The following MAP3K21 variants were observed in gnomAD, a reference collection of about 807,000 sequenced individuals.
The protein encoded by MAP3K21 is mitogen-activated protein kinase kinase kinase MLK4.
A neutral mutation model predicts 86.1 loss-of-function variants in MAP3K21; 63 were observed. The observed-to-expected ratio is 0.73, with a 90% confidence interval of 0.60 to 0.90. The LOEUF (loss-of-function observed/expected upper bound fraction) is 0.90. Ranked by LOEUF, MAP3K21 falls within the 40% of genes least tolerant of loss-of-function variation. The probability of loss-of-function intolerance (pLI) is 0.00; values close to 1 mark genes in which losing one functional copy is unlikely to be tolerated. For synonymous variants in MAP3K21, 558 were observed against 564.8 expected, an observed-to-expected ratio of 0.99 and a Z score of 0.17; for missense variants, 1,220 against 1,367.7, an observed-to-expected ratio of 0.89 and a Z score of 1.70.
At chr1:233,336,467 G>C (rs562509139) in intron 1 of MAP3K21, among the ~76,000 whole-genome samples, 1 of 152,208 alleles carries the variant, frequency 6.6e-6, no homozygotes, top group Admixed American at 6.5e-5. Flanking sequence ...CTTGAATCAA[G>C]GAGGTGGAGG....
chr1:233,374,336 C>T (rs370173880), intron 6 of MAP3K21, among the ~76,000 whole-genome samples: 10 of 152,044 alleles, frequency 6.6e-5, no homozygotes, highest in African/African-American at 1.9e-4. Context: ...CCACCACGCC[C>T]GGCTAATTTT....
At chr1:233,373,064 A>G (rs1208641962) in intron 6 of MAP3K21, 1 of 152,014 alleles carries the variant, frequency 6.6e-6, no homozygotes, top group African/African-American at 2.4e-5. Flanking sequence ...TTTCTTTTGC[A>G]AGTTCTCGGA....
Position 233,379,240 on chromosome 1 carries a change from C to T in MAP3K21, c.2234C>T (p.Ala745Val). The T allele has an allele frequency of 6.2e-7, 1 of 1,614,208 alleles. No individual in the cohort carries two copies. Among genetic ancestry groups the T allele is most frequent in the East Asian group, 2.2e-5 (1 of 44,888 alleles). The change falls in exon 9 of 10, where the codon GCA becomes GTA. Residue 745 changes from alanine to valine, a missense_variant. Transcript: ENST00000366624. Reference protein sequence around the residue: ...LGLDLRELHKAQAAEEPLPKE... With the variant: ...LGLDLRELHKVQAAEEPLPKE... Reference sequence around the variant, plus strand: ...CTGGACCTCAGAGAGCTTCATAAAGCACAGGCTGCTGAAGAACCGTTGCCC... The same window carrying T: ...CTGGACCTCAGAGAGCTTCATAAAGTACAGGCTGCTGAAGAACCGTTGCCC...
chr1:233,380,144 G>A (rs1053881206), intron 9 of MAP3K21, among the ~76,000 whole-genome samples: 1 of 152,188 alleles, frequency 6.6e-6, no homozygotes, highest in African/African-American at 2.4e-5. Context: ...CAGGTGATCA[G>A]CCTGCTAGGG....
At chr1:233,357,614 G>A (rs748373746) in intron 4 of MAP3K21, among the ~76,000 whole-genome samples, 2 of 152,116 alleles carry the variant, frequency 1.3e-5, no homozygotes, top group Non-Finnish European at 2.9e-5. Context: ...TCAAACCCAT[G>A]GAGTTGCGTC....
chr1:233,330,573 C>G (rs542902152), intron 1 of MAP3K21, among the ~76,000 whole-genome samples: 1 of 152,234 alleles, frequency 6.6e-6, no homozygotes, highest in East Asian at 1.9e-4. Flanking sequence ...TCTGCAGAAC[C>G]AGGTATTTTA....
chr1:233,379,821 G>A, intron 9 of MAP3K21, 111 bp downstream of exon 9: 1 of 815,290 alleles, frequency 1.2e-6, no homozygotes. Flanking sequence ...TTAATAATTT[G>A]TTTTTACTGT....
chr1:233,368,133 T>C (rs370219956), intron 5 of MAP3K21, among the ~76,000 whole-genome samples: 2 of 152,224 alleles, frequency 1.3e-5, no homozygotes, highest in Non-Finnish European at 2.9e-5. Flanking sequence ...CTTCTGTTAT[T>C]GACAGGAGGG....
rs1047257867 is a variant in MAP3K21, at chr1:233,376,511, G to A, written c.1908G>A (p.Leu636=). 4 of 1,612,288 alleles carry A rather than the reference G, an allele frequency of 2.5e-6. No individual in the cohort carries two copies. Among genetic ancestry groups the A allele is most frequent in the African/African-American group, 1.3e-5 (1 of 74,834 alleles). Residue 636 remains leucine, a synonymous_variant, in exon 8 of 10, where the codon TTG becomes TTA. Transcript: ENST00000366624. Reference sequence around the variant, plus strand: ...AGAAAACCATGCCCTTGGCTTCATTGTTTGTGGACCAGCCAGGTAAATGTG... The same window carrying A: ...AGAAAACCATGCCCTTGGCTTCATTATTTGTGGACCAGCCAGGTAAATGTG... ...KNQKTMPLAS[L]FVDQPGSCEE...
intron 6 of MAP3K21, chr1:233,374,076 T>G (rs1223660748): frequency 6.6e-6 from 1 of 152,216 alleles, no homozygotes; most frequent in African/African-American, 2.4e-5. Flanking sequence ...AAATGAAAAC[T>G]GCTGATCCGT....
Position 233,379,315 on chromosome 1 carries a change from C to T in MAP3K21, c.2309C>T (p.Ser770Phe), listed in dbSNP as rs928580242. ...GGAATCTTCCAGCGGGCTTCCAAGTCCCGCAGAAGCGCCAGTCCTCCCACA... is the reference window on the plus strand; with the variant it reads ...GGAATCTTCCAGCGGGCTTCCAAGTTCCGCAGAAGCGCCAGTCCTCCCACA... ...REGIFQRASKSRRSASPPTSL... is the reference protein window; with the variant it reads ...REGIFQRASKFRRSASPPTSL... The change falls in exon 9 of 10, where the codon TCC (serine) becomes TTC (phenylalanine). Residue 770 changes from serine to phenylalanine, a missense_variant. Transcript: ENST00000366624. 2 of 1,614,068 alleles carry T rather than the reference C, an allele frequency of 1.2e-6. No homozygotes were observed. The highest frequency in any genetic ancestry group is 2.7e-5 in the African/African-American group (2 of 74,900).
intron 9 of MAP3K21, among the ~76,000 whole-genome samples, chr1:233,381,449 T>C (rs1467013805): frequency 1.3e-5 from 2 of 152,200 alleles, no homozygotes; most frequent in Admixed American, 6.5e-5. Flanking sequence ...AGTGAGGTAA[T>C]ATATACAAAA....
intron 1 of MAP3K21, among the ~76,000 whole-genome samples, chr1:233,340,943 CT>C (rs1346539195): frequency 6.6e-6 from 1 of 152,050 alleles, no homozygotes; most frequent in Admixed American, 6.6e-5. Context: ...ATAATAATTG[CT>C]TTTTTAAAAA....
chr1:233,355,042 C>A (rs1332724973), intron 4 of MAP3K21, 31 bp downstream of exon 4: 1 of 1,510,854 alleles, frequency 6.6e-7, no homozygotes, highest in Non-Finnish European at 9.1e-7. Flanking sequence ...GCATAATGTA[C>A]TCAAATTTAT....
chr1:233,382,670 C>A lies in MAP3K21; in HGVS notation c.3070C>A (p.Arg1024=), dbSNP rs372766457. 4 of 1,613,898 alleles carry A rather than the reference C, an allele frequency of 2.5e-6. No homozygotes were observed. The highest frequency in any genetic ancestry group is 1.6e-4 in the Middle Eastern group (1 of 6,084). Residue 1024 remains arginine, a synonymous_variant, in exon 10 of 10, where the codon CGG becomes AGG. Transcript: ENST00000366624. Reference sequence around the variant, plus strand: ...GTGCAGAATGAGGAGCAAAACCAGCCGGCCATCTATATATGAACTGGAGAA... The same window carrying A: ...GTGCAGAATGAGGAGCAAAACCAGCAGGCCATCTATATATGAACTGGAGAA... ...PLCRMRSKTS[R]PSIYELEKEF... is the part of the protein sequence containing the mutation.
Position 233,372,115 on chromosome 1 carries a change from C to G in MAP3K21, c.1630C>G (p.Pro544Ala). ...RRSLNSSSSS[P>A]PSSPTMMPRL... Reference sequence around the variant, plus strand: ...GAGCCTGAACAGCAGCAGTTCCAGTCCCCCGAGCAGCCCCACAATGATGCC... The same window carrying G: ...GAGCCTGAACAGCAGCAGTTCCAGTGCCCCGAGCAGCCCCACAATGATGCC... Residue 544 changes from proline to alanine, a missense_variant, in exon 6 of 10, where the codon CCC (proline) becomes GCC (alanine). Pro to Ala is a conservative substitution (Grantham distance 27). Around this residue, in one of 5 missense-constraint regions of MAP3K21, gnomAD observed 632 missense variants for 691.3 expected, o/e 0.91. Coordinates refer to ENST00000366624, the MANE Select transcript of MAP3K21 (RefSeq NM_032435.3). 6.2e-7 allele frequency: 1 copy of G among 1,614,114 alleles called. No homozygotes were observed. The highest frequency in any genetic ancestry group is 1.6e-4 in the Middle Eastern group (1 of 6,062).
In MAP3K21 at chr1:233,379,284, C is replaced by A; in HGVS notation, c.2278C>A (p.Arg760=). 6.2e-7 allele frequency: 1 copy of A among 1,614,198 alleles called. No homozygotes were observed. The highest frequency in any genetic ancestry group is 1.1e-5 in the South Asian group (1 of 91,086). The change falls in exon 9 of 10, where the codon CGA becomes AGA. Residue 760 remains arginine, a synonymous_variant. Transcript: ENST00000366624. ...GTTGCCCAAGGAAGAGAAGAAGAAACGAGAGGGAATCTTCCAGCGGGCTTC... is the reference window on the plus strand; with the variant it reads ...GTTGCCCAAGGAAGAGAAGAAGAAAAGAGAGGGAATCTTCCAGCGGGCTTC... ...EPLPKEEKKK[R]EGIFQRASKS...
chr1:233,357,528 C>T (rs1318667302), intron 4 of MAP3K21, among the ~76,000 whole-genome samples: 7 of 152,096 alleles, frequency 4.6e-5, no homozygotes, highest in African/African-American at 7.2e-5. Context: ...GTAAATGCAA[C>T]GTAAGACCAT....
At chr1:233,353,194 G>A (rs940508839) in intron 2 of MAP3K21, among the ~76,000 whole-genome samples, 18 of 152,050 alleles carry the variant, frequency 1.2e-4, no homozygotes, top group African/African-American at 3.9e-4. Flanking sequence ...AAAAAGAGAC[G>A]TATGTCCTGC....
Sources: allele counts gnomAD v4.1 joint callset (sites outside exome capture counted in the v4.1 genomes callset), GRCh38; gene constraint gnomAD v4.1.1; regional missense constraint gnomAD v4.1.1; transcripts MANE v1.5; gene names NCBI Gene and HGNC (gene_info 2026-07-23, HGNC 2026-07-21).